The following IHO1 variants were observed in gnomAD, a reference collection of about 807,000 sequenced individuals.
IHO1 encodes interactor of HORMAD1 1, also known as interactor of HORMAD1 protein 1.
In IHO1, 13 loss-of-function variants were observed where a neutral mutation model predicts 31.0. The ratio of observed to expected loss-of-function variants is 0.42; its 90% CI spans 0.27 to 0.67. The LOEUF (loss-of-function observed/expected upper bound fraction) is 0.67. Ranked by LOEUF, IHO1 falls within the 30% of genes least tolerant of loss-of-function variation. IHO1 has a pLI of 0.24. For missense variants in IHO1, 599 were observed against 687.5 expected, an observed-to-expected ratio of 0.87 and a Z score of 1.44; for synonymous variants, 221 against 248.4, an observed-to-expected ratio of 0.89 and a Z score of 1.04.
intron 2 of IHO1, among the ~76,000 whole-genome samples, chr3:49,235,759 A>G (rs1267862136): frequency 6.6e-6 from 1 of 151,120 alleles, no homozygotes; most frequent in Non-Finnish European, 1.5e-5. Flanking sequence ...GTGAAACCCC[A>G]TCTCTATTAA....
At chr3:49,255,557 A>AAT in intron 7 of IHO1, 64 bp downstream of exon 7, 17 of 898,938 alleles carry the variant, frequency 1.9e-5, no homozygotes, top group Non-Finnish European at 2.4e-5. Context: ...CCAGAGAGAA[A>AAT]CTTTTTTTTT....
At chr3:49,197,651 G>T (rs1450922812), upstream of IHO1, among the ~76,000 whole-genome samples, 2 of 151,846 alleles carry the variant, frequency 1.3e-5, no homozygotes, top group Non-Finnish European at 2.9e-5. Flanking sequence ...GAGGTGGGTG[G>T]ATCACCTGAG....
the IHO1 span, chr3:49,191,756 C>A: frequency 6.3e-7 from 1 of 1,577,682 alleles, no homozygotes; most frequent in Non-Finnish European, 8.6e-7. Context: ...CAGGAGCCTA[C>A]TAAAGCACTT....
chr3:49,199,973 AG>A (rs2046032081), intron 1 of IHO1: 1 of 152,308 alleles, frequency 6.6e-6, no homozygotes, highest in South Asian at 2.1e-4. Flanking sequence ...GAAAGACATC[AG>A]AAGGATTTAG....
chr3:49,217,227 T>G (rs1290354232), intron 2 of IHO1, among the ~76,000 whole-genome samples: 1 of 152,062 alleles, frequency 6.6e-6, no homozygotes, highest in Non-Finnish European at 1.5e-5. Flanking sequence ...AGCAAAGACT[T>G]GGAACTAACC....
At chr3:49,231,474 C>CT (rs1490224542) in intron 2 of IHO1, among the ~76,000 whole-genome samples, 2 of 152,198 alleles carry the variant, frequency 1.3e-5, no homozygotes, top group Admixed American at 6.5e-5. Flanking sequence ...ATGCCTTATA[C>CT]TTCAGCTCAA....
At chr3:49,245,969 G>A (rs758955897) in intron 6 of IHO1, among the ~76,000 whole-genome samples, 14 of 150,274 alleles carry the variant, frequency 9.3e-5, no homozygotes, top group Middle Eastern at 6.9e-3. Flanking sequence ...AGATCACAAG[G>A]TCAGGAGTTC....
chr3:49,196,445 A>G (rs901180779), upstream of IHO1, among the ~76,000 whole-genome samples: 2 of 147,770 alleles, frequency 1.4e-5, no homozygotes, highest in African/African-American at 5.0e-5. Flanking sequence ...CAGCCTCCCA[A>G]GTAGCTGAGA....
chr3:49,192,967 A>G, the IHO1 span, among the ~76,000 whole-genome samples: 1 of 152,162 alleles, frequency 6.6e-6, no homozygotes, highest in Non-Finnish European at 1.5e-5. Context: ...ACTGTAAGCA[A>G]CCCAAGTGTT....
chr3:49,196,007 G>A (rs1381711046), upstream of IHO1, among the ~76,000 whole-genome samples: 3 of 150,892 alleles, frequency 2.0e-5, no homozygotes, highest in East Asian at 2.0e-4. Context: ...AGGTCGAGGC[G>A]GGCGGATCAC....
chr3:49,242,935 A>G (rs2046649276), intron 4 of IHO1, among the ~76,000 whole-genome samples: 1 of 152,150 alleles, frequency 6.6e-6, no homozygotes, highest in Non-Finnish European at 1.5e-5. Context: ...GTATATGTGC[A>G]GGTTTGTTAC....
intron 2 of IHO1, among the ~76,000 whole-genome samples, chr3:49,215,673 T>G (rs1399429478): frequency 6.6e-6 from 1 of 152,104 alleles, no homozygotes; most frequent in Non-Finnish European, 1.5e-5. Flanking sequence ...GAGCTTAGCC[T>G]CAAATCCATC....
intron 3 of IHO1, among the ~76,000 whole-genome samples, chr3:49,237,819 G>A (rs1348526780): frequency 6.7e-6 from 1 of 148,226 alleles, no homozygotes; most frequent in Non-Finnish European, 1.5e-5. Flanking sequence ...CTAGGTTAGT[G>A]AGTAAAGGCC....
upstream of IHO1, chr3:49,199,163 G>A (rs540537991): frequency 1.2e-4 from 18 of 152,714 alleles, no homozygotes; most frequent in African/African-American, 4.1e-4. Flanking sequence ...CGTGAGTGTG[G>A]GGGTGTGAGG....
chr3:49,235,253 G>C (rs970429475), intron 2 of IHO1, among the ~76,000 whole-genome samples: 3 of 145,126 alleles, frequency 2.1e-5, no homozygotes, highest in Non-Finnish European at 4.5e-5. Flanking sequence ...TTTTTGAGGA[G>C]TCTTACTCTG....
chr3:49,194,005 C>T (rs1198321908), upstream of IHO1, among the ~76,000 whole-genome samples: 1 of 149,410 alleles, frequency 6.7e-6, no homozygotes, highest in Non-Finnish European at 1.5e-5. Flanking sequence ...TGCCGTGGCT[C>T]ACGTCTGTAG....
upstream of IHO1, among the ~76,000 whole-genome samples, chr3:49,194,518 C>T (rs1393675063): frequency 6.8e-6 from 1 of 146,854 alleles, no homozygotes; most frequent in Admixed American, 6.7e-5. Flanking sequence ...GTCTCGATCT[C>T]CTGACCTCGT....
At chr3:49,225,389 G>T (rs1304558601) in intron 2 of IHO1, among the ~76,000 whole-genome samples, 7 of 152,136 alleles carry the variant, frequency 4.6e-5, no homozygotes, top group Non-Finnish European at 7.4e-5. Context: ...CTTGAACCCA[G>T]GAGGCAGAGG....
At chr3:49,209,406 A>T (rs1039663892) in intron 1 of IHO1, among the ~76,000 whole-genome samples, 1 of 152,072 alleles carries the variant, frequency 6.6e-6, no homozygotes, top group African/African-American at 2.4e-5. Flanking sequence ...AGGCCAAGGC[A>T]GGTGGATCAC....
Sources: allele counts gnomAD v4.1 joint callset (sites outside exome capture counted in the v4.1 genomes callset), GRCh38; gene constraint gnomAD v4.1.1; transcripts MANE v1.5; gene names NCBI Gene and HGNC (gene_info 2026-07-23, HGNC 2026-07-21).